Variants in ARGLU1 observed in about 807,000 individuals in gnomAD.
ARGLU1 encodes arginine and glutamate rich 1.
In ARGLU1, 9 loss-of-function variants were observed where a neutral mutation model predicts 37.6. The ratio of observed to expected loss-of-function variants is 0.24; its 90% confidence interval spans 0.14 to 0.42. The LOEUF (loss-of-function observed/expected upper bound fraction) is 0.42. ARGLU1 is among the 10% of genes least tolerant of loss of function. The probability of loss-of-function intolerance (pLI) is 1.00; values close to 1 mark genes in which losing one functional copy is unlikely to be tolerated. For synonymous variants in ARGLU1, 166 were observed against 138.5 expected (o/e 1.20, Z -1.39); for missense variants, 211 against 359.2 (o/e 0.59, Z 3.34).
At chr13:106,556,416 T>A (rs949851434) in intron 3 of ARGLU1, among the ~76,000 whole-genome samples, 2 of 152,220 alleles carry the variant, frequency 1.3e-5, no homozygotes, top group African/African-American at 4.8e-5. Flanking sequence ...AGGTTATTTA[T>A]GGTCTTCCTT....
At chr13:106,550,442 G>A (rs946935127) in intron 3 of ARGLU1, among the ~76,000 whole-genome samples, 4 of 152,040 alleles carry the variant, frequency 2.6e-5, no homozygotes, top group Non-Finnish European at 4.4e-5. Flanking sequence ...AAAACCTCTC[G>A]CTCTCTGAAA....
chr13:106,547,921 A>G (rs1880435460), intron 3 of ARGLU1, among the ~76,000 whole-genome samples: 1 of 151,996 alleles, frequency 6.6e-6, no homozygotes, highest in Admixed American at 6.6e-5. Flanking sequence ...TGCACTTTAG[A>G]TTGGGTAAAG....
chr13:106,546,845 A>G (rs528076685), intron 3 of ARGLU1, among the ~76,000 whole-genome samples: 20 of 152,306 alleles, frequency 1.3e-4, no homozygotes, highest in African/African-American at 4.8e-4. Context: ...TTTTTACCCT[A>G]GAAGACAGAA....
At chr13:106,556,968 C>T (rs1880675580) in intron 3 of ARGLU1, 80 bp downstream of exon 3, 2 of 1,243,970 alleles carry the variant, frequency 1.6e-6, no homozygotes, top group Non-Finnish European at 1.2e-6. Flanking sequence ...AATTATAGGG[C>T]ACAAAAATCA....
chr13:106,564,536 G>A (rs1302759575), intron 1 of ARGLU1, among the ~76,000 whole-genome samples: 2 of 152,020 alleles, frequency 1.3e-5, no homozygotes, highest in Non-Finnish European at 2.9e-5. Context: ...TTCTTGTAAG[G>A]GCACTTGACA....
chr13:106,544,227 A>G, intron 3 of ARGLU1, 67 bp from the exon 4 acceptor site: 3 of 1,383,012 alleles, frequency 2.2e-6, no homozygotes, highest in Non-Finnish European at 2.9e-6. Flanking sequence ...CCCCTGCAAC[A>G]GGTGTTATCT....
intron 3 of ARGLU1, among the ~76,000 whole-genome samples, chr13:106,555,086 G>A (rs948923854): frequency 1.6e-4 from 24 of 151,792 alleles, no homozygotes; most frequent in African/African-American, 3.9e-4. Flanking sequence ...GGCCAGGAGC[G>A]GTGGCTCACA....
intron 3 of ARGLU1, among the ~76,000 whole-genome samples, chr13:106,554,480 TG>T (rs112591879): frequency 2.5e-4 from 38 of 152,322 alleles, no homozygotes; most frequent in African/African-American, 8.2e-4. Flanking sequence ...GCAATAAAAG[TG>T]GAAGTGGGCC....
intron 1 of ARGLU1, among the ~76,000 whole-genome samples, chr13:106,566,682 T>C (rs1566476786): frequency 6.6e-6 from 1 of 152,204 alleles, no homozygotes; most frequent in South Asian, 2.1e-4. Flanking sequence ...CCAGAAATAC[T>C]TGAGAGCTGA....
intron 3 of ARGLU1, among the ~76,000 whole-genome samples, chr13:106,554,437 T>TGCTC (rs1880609748): frequency 6.6e-6 from 1 of 152,162 alleles, no homozygotes; most frequent in Non-Finnish European, 1.5e-5. Flanking sequence ...TAAAGAATAG[T>TGCTC]GCTCAAAATT....
At chr13:106,549,939 A>G (rs1880493065) in intron 3 of ARGLU1, among the ~76,000 whole-genome samples, 1 of 152,096 alleles carries the variant, frequency 6.6e-6, no homozygotes, top group Non-Finnish European at 1.5e-5. Flanking sequence ...TGCCTTTGGA[A>G]TTTTCTTTAT....
At position 106,567,611 on chromosome 13, in the gene ARGLU1, C is replaced by T. The variant is rs778349042; in HGVS notation, c.309G>A (p.Glu103=). 2 of 1,613,332 alleles carry T rather than the reference C, an allele frequency of 1.2e-6. No homozygotes were observed. Among genetic ancestry groups the T allele is most frequent in the Non-Finnish European group, 1.7e-6 (2 of 1,179,600 alleles). Residue 103 remains glutamate (E), a synonymous_variant, in exon 1 of 4, where the codon GAG becomes GAA. Coordinates refer to ENST00000400198, the MANE Select transcript of ARGLU1 (RefSeq NM_018011.4). This position sits in a 1 kb window ranked among gnomAD's most constrained non-coding sequence, Gnocchi z 4.3. ...GCTCGAACTCCGCTTTCTTCTCCTC[C>T]TCCTCTCGCTTCTGCTTCTCGTCCA... The part of the protein sequence containing the change: ...SSLDEKQKRE[E]EEKKAEFERQ...
intron 3 of ARGLU1, among the ~76,000 whole-genome samples, chr13:106,549,286 C>T (rs368212078): frequency 1.3e-5 from 2 of 152,126 alleles, no homozygotes; most frequent in East Asian, 1.9e-4. Flanking sequence ...AAAAACAGCA[C>T]AATTAGAAAC....
At position 106,543,804 on chromosome 13, in the gene ARGLU1, A is replaced by G. The variant is rs1300109200; in HGVS notation, c.*192T>C. 3 of 511,978 alleles carry G rather than the reference A, an allele frequency of 5.9e-6. No homozygotes were observed. Among genetic ancestry groups the G allele is most frequent in the Non-Finnish European group, 1.0e-5 (3 of 300,862 alleles). 31.7% of individuals were successfully genotyped at this position (511,978 alleles called of 1,614,324 possible). On this transcript the variant is annotated 3_prime_UTR_variant, in exon 4 of 4. Coordinates refer to ENST00000400198, the MANE Select transcript of ARGLU1 (RefSeq NM_018011.4). ...CCTTAGAATACAACAATGATCTGAT[A>G]AGGATTTGACTTAGTGGAAGGAAAA...
Position 106,541,801 on chromosome 13 carries a change from C to T in ARGLU1, c.*2195G>A, listed in dbSNP as rs1259250703. The T allele has an allele frequency of 6.6e-6, 1 of 151,954 alleles. No individual in the cohort carries two copies. Among genetic ancestry groups the T allele is most frequent in the Admixed American group, 6.5e-5 (1 of 15,268 alleles). 9.4% of individuals were successfully genotyped at this position (151,954 alleles called of 1,614,324 possible). ...ATGCATTAAGAATAACCTAAAAAAA[C>T]AAATTGTGAATAAAGGCATATTTAA... On this transcript the variant is annotated 3_prime_UTR_variant, in exon 4 of 4. Transcript: ENST00000400198.
intron 2 of ARGLU1, chr13:106,558,910 GGGGA>G (rs1469835411): frequency 2.0e-6 from 2 of 985,276 alleles, no homozygotes; most frequent in Non-Finnish European, 2.4e-6. Context: ...GCAGGGTTTA[GGGGA>G]GGGAGTGAGG....
At position 106,560,564 on chromosome 13, in the gene ARGLU1, C is replaced by A. The variant is rs990728721; in HGVS notation, c.348-907G>T. ...ATGATCTCCTATTTTTATTTGATTGCGTGTTAAAATGATATTTTGGATAAA... is the reference window on the plus strand; with the variant it reads ...ATGATCTCCTATTTTTATTTGATTGAGTGTTAAAATGATATTTTGGATAAA... On this transcript the variant is annotated intron_variant, in intron 1 of 3. Transcript: ENST00000400198. 3.3e-5 allele frequency among the ~76,000 whole-genome samples: 5 copies of A among 152,012 alleles called. No homozygotes were observed. The East Asian group carries it at 7.7e-4, about 23-fold the overall frequency.
chr13:106,545,581 A>G (rs948302660), intron 3 of ARGLU1, among the ~76,000 whole-genome samples: 7 of 152,210 alleles, frequency 4.6e-5, no homozygotes, highest in Non-Finnish European at 8.8e-5. Context: ...TTTTTTAAAT[A>G]AAGTGTAAAG....
In ARGLU1 at chr13:106,557,274, T is replaced by C; in HGVS notation, c.574-143A>G. 1.3e-6 allele frequency: 1 copy of C among 764,862 alleles called. No individual in the cohort carries two copies. The highest frequency in any genetic ancestry group is 1.8e-5 in the African/African-American group (1 of 56,586). 47.4% of individuals were successfully genotyped at this position (764,862 alleles called of 1,614,324 possible). A position where few individuals can be genotyped will look rare whatever the true frequency, so the allele number is the denominator to read the frequency against. On this transcript the variant is annotated intron_variant, in intron 2 of 3. Coordinates refer to ENST00000400198, the MANE Select transcript of ARGLU1 (RefSeq NM_018011.4). This position sits in a 1 kb window ranked among gnomAD's most constrained non-coding sequence, Gnocchi z 5.0. ...ACCTTCTGTCTGACAAATGATAAAC[T>C]GTGCAGTCACTAAAATTGGTTTCTA...
Sources: gnomAD v4.1 joint callset for allele counts (sites outside exome capture counted in the v4.1 genomes callset) on GRCh38, gnomAD v4.1.1 for gene constraint, Gnocchi (gnomAD v3.1) non-coding constraint, MANE v1.5 for transcripts, NCBI Gene and HGNC (gene_info 2026-07-23, HGNC 2026-07-21) for gene names.